Variants in SYNDIG1 observed in about 807,000 individuals in gnomAD.
The protein encoded by SYNDIG1 is synapse differentiation inducing 1.
Under a neutral mutation model 19.4 loss-of-function variants are expected in SYNDIG1, and 9 were observed. That is an observed-to-expected ratio of 0.46 (90% CI 0.28 to 0.81). The LOEUF (loss-of-function observed/expected upper bound fraction) is 0.81, where lower values mean the gene tolerates loss of function less well. Among genes scored for constraint, SYNDIG1 ranks in the 30% least tolerant of loss-of-function variants. SYNDIG1 has a pLI of 0.12. For synonymous variants in SYNDIG1, 141 were observed against 145.9 expected, an observed-to-expected ratio of 0.97 and a Z score of 0.24; for missense variants, 311 against 343.3, an observed-to-expected ratio of 0.91 and a Z score of 0.74.
intron 3 of SYNDIG1, among the ~76,000 whole-genome samples, chr20:24,639,866 G>A (rs1440454904): frequency 6.6e-6 from 1 of 152,136 alleles, no homozygotes; most frequent in Non-Finnish European, 1.5e-5. Context: ...TGCCTTATAA[G>A]CATAATTGTC....
intron 3 of SYNDIG1, among the ~76,000 whole-genome samples, chr20:24,606,492 G>A (rs1181765062): frequency 1.3e-5 from 2 of 152,182 alleles, no homozygotes; most frequent in Non-Finnish European, 2.9e-5. Flanking sequence ...AGCAGGAATT[G>A]CACTTTAAGG....
chr20:24,585,056 G>GGCGCGC, intron 3 of SYNDIG1, 63 bp downstream of exon 3: 1 of 545,664 alleles, frequency 1.8e-6, no homozygotes, highest in Non-Finnish European at 3.4e-6. Context: ...GGTGGGGGCG[G>GGCGCGC]CAATCCCAGC....
intron 2 of SYNDIG1, among the ~76,000 whole-genome samples, chr20:24,578,400 G>A (rs560405984): frequency 4.0e-5 from 6 of 149,046 alleles, no homozygotes; most frequent in Admixed American, 1.3e-4. Flanking sequence ...CCCCAATCGC[G>A]CCACTGCACT....
At chr20:24,495,013 A>G (rs150771384) in intron 1 of SYNDIG1, among the ~76,000 whole-genome samples, 1 of 152,212 alleles carries the variant, frequency 6.6e-6, no homozygotes, top group African/African-American at 2.4e-5. Context: ...AAAAGGTAGA[A>G]CTCAGTTACA....
At chr20:24,516,467 AT>A (rs1263605533) in intron 1 of SYNDIG1, among the ~76,000 whole-genome samples, 13 of 152,180 alleles carry the variant, frequency 8.5e-5, no homozygotes, top group Non-Finnish European at 1.6e-4. Flanking sequence ...ACTCAAACAA[AT>A]TTACGAGAAA....
intron 1 of SYNDIG1, among the ~76,000 whole-genome samples, chr20:24,530,699 T>C (rs759495276): frequency 6.6e-6 from 1 of 152,098 alleles, no homozygotes; most frequent in African/African-American, 2.4e-5. Flanking sequence ...AATTGAGCTG[T>C]ATAAGAAGGG....
intron 1 of SYNDIG1, among the ~76,000 whole-genome samples, chr20:24,507,226 C>T (rs1413486960): frequency 2.0e-5 from 3 of 152,228 alleles, no homozygotes; most frequent in Non-Finnish European, 4.4e-5. Context: ...CTGACCTCCC[C>T]CCACAGCCTG....
rs1010979912 is a variant in SYNDIG1, at chr20:24,665,365, A to G, written c.638A>G (p.Lys213Arg). ...CTGCAGACCAACAAAGCCGTGGCCA[A>G]GGGGGACTTGCACCAGGCCAGCACC... ...LSHETNKAVA[K>R]GDLHQASTSS... Residue 213 changes from lysine (K) to arginine (R), a missense_variant, in exon 4 of 4, where the codon AAG becomes AGG. Physicochemically the swap from Lys to Arg is conservative, Grantham distance 26. Coordinates refer to ENST00000376862, the MANE Select transcript of SYNDIG1 (RefSeq NM_024893.3). The G allele has an allele frequency of 6.2e-7, 1 of 1,602,622 alleles. No homozygotes were observed. Among genetic ancestry groups the G allele is most frequent in the Non-Finnish European group, 8.5e-7 (1 of 1,176,436 alleles).
At chr20:24,537,252 G>T (rs56123439) in intron 1 of SYNDIG1, among the ~76,000 whole-genome samples, 6,479 of 152,202 alleles carry the variant, frequency 0.043, 423 homozygotes, top group African/African-American at 0.15. Context: ...CTCTATTACA[G>T]AAAATTTCAA....
intron 3 of SYNDIG1, among the ~76,000 whole-genome samples, chr20:24,661,496 G>GAAAGAAAGAGGAGGTAGGAAGGAGA (rs147180862): frequency 1.6e-5 from 1 of 63,568 alleles, no homozygotes; most frequent in African/African-American, 6.0e-5. Flanking sequence ...AAGAAGGGAG[G>GAAAGAAAGAGGAGGTAGGAAGGAGA]GAGGGAAGAG....
chr20:24,551,091 T>G (rs2057698358), intron 2 of SYNDIG1, among the ~76,000 whole-genome samples: 2 of 152,232 alleles, frequency 1.3e-5, no homozygotes, highest in African/African-American at 4.8e-5. Flanking sequence ...GTATGATTTC[T>G]TTTTGTTTGT....
chr20:24,470,876 C>T (rs528143354), intron 1 of SYNDIG1, among the ~76,000 whole-genome samples: 29 of 152,152 alleles, frequency 1.9e-4, no homozygotes, highest in Non-Finnish European at 3.8e-4. Flanking sequence ...CGCGGCGCTC[C>T]TGGCTCGGAC....
At chr20:24,512,214 G>A (rs1452400033) in intron 1 of SYNDIG1, among the ~76,000 whole-genome samples, 4 of 147,968 alleles carry the variant, frequency 2.7e-5, no homozygotes, top group South Asian at 4.3e-4. Flanking sequence ...CAGCGTGAGC[G>A]ATGAAGAAGA....
At chr20:24,474,365 G>A (rs941813634) in intron 1 of SYNDIG1, among the ~76,000 whole-genome samples, 9 of 152,038 alleles carry the variant, frequency 5.9e-5, no homozygotes, top group Non-Finnish European at 1.5e-5. Context: ...AAACTCTAAA[G>A]AACAACAACA....
At chr20:24,643,006 T>A (rs2059393030) in intron 3 of SYNDIG1, among the ~76,000 whole-genome samples, 1 of 152,308 alleles carries the variant, frequency 6.6e-6, no homozygotes, top group East Asian at 1.9e-4. Flanking sequence ...ACGAATGTAA[T>A]TAGTTCTATA....
At chr20:24,622,190 A>G (rs1001862630) in intron 3 of SYNDIG1, among the ~76,000 whole-genome samples, 2 of 152,254 alleles carry the variant, frequency 1.3e-5, no homozygotes, top group African/African-American at 2.4e-5. Flanking sequence ...GAAAGATGAA[A>G]AGAAATGCCA....
At chr20:24,565,052 A>G (rs1164601260) in intron 2 of SYNDIG1, among the ~76,000 whole-genome samples, 1 of 152,186 alleles carries the variant, frequency 6.6e-6, no homozygotes, top group Non-Finnish European at 1.5e-5. Context: ...TCATTAAAAA[A>G]CACCCCCTTG....
intron 1 of SYNDIG1, among the ~76,000 whole-genome samples, chr20:24,479,111 G>T (rs1331183700): frequency 6.6e-6 from 1 of 152,172 alleles, no homozygotes; most frequent in East Asian, 1.9e-4. Flanking sequence ...AACTGTTTCA[G>T]TCTCTCCATA....
At chr20:24,650,768 A>G (rs1268288659) in intron 3 of SYNDIG1, among the ~76,000 whole-genome samples, 3 of 152,180 alleles carry the variant, frequency 2.0e-5, no homozygotes, top group Non-Finnish European at 4.4e-5. Context: ...TGTATCTTGT[A>G]CTTCTTACAG....
Sources: gnomAD v4.1 joint callset for allele counts (sites outside exome capture counted in the v4.1 genomes callset) on GRCh38, gnomAD v4.1.1 for gene constraint, MANE v1.5 for transcripts, NCBI Gene and HGNC (gene_info 2026-07-23, HGNC 2026-07-21) for gene names.